Variants in EFCAB10 observed in about 807,000 individuals in gnomAD.
EFCAB10 encodes EF-hand calcium-binding domain-containing protein 10.
Under a neutral mutation model 7.7 loss-of-function variants are expected in EFCAB10, and 7 were observed. The ratio of observed to expected loss-of-function variants is 0.91; its 90% CI spans 0.52 to 1.72. The LOEUF (loss-of-function observed/expected upper bound fraction) is 1.72. EFCAB10 is among the 40% of genes most tolerant of loss of function. EFCAB10 has a pLI of 0.00. For missense variants in EFCAB10, 112 were observed against 61.5 expected (o/e 1.82, Z -2.74); for synonymous variants, 52 against 21.0 (o/e 2.47, Z -4.03).
intron 1 of EFCAB10, among the ~76,000 whole-genome samples, chr7:105,576,786 A>T (rs1792092096): frequency 6.6e-6 from 1 of 152,142 alleles, no homozygotes; most frequent in Admixed American, 6.5e-5. Flanking sequence ...AGGTGCAGTG[A>T]CTTACACCTG....
intron 1 of EFCAB10, among the ~76,000 whole-genome samples, chr7:105,579,597 T>C (rs1298284057): frequency 6.6e-6 from 1 of 152,172 alleles, no homozygotes; most frequent in Non-Finnish European, 1.5e-5. Context: ...GATATCAAAA[T>C]TGTGATCTAA....
At chr7:105,574,171 C>A (rs1792013591) in intron 1 of EFCAB10, among the ~76,000 whole-genome samples, 1 of 103,124 alleles carries the variant, frequency 9.7e-6, no homozygotes. Context: ...TACACACACA[C>A]CCATATGTAT....
At chr7:105,568,359 A>G (rs187412809) in intron 3 of EFCAB10, among the ~76,000 whole-genome samples, 1 of 152,286 alleles carries the variant, frequency 6.6e-6, no homozygotes, top group Admixed American at 6.5e-5. Flanking sequence ...ACTTTCCACA[A>G]CTATTAAATT....
At position 105,574,185 on chromosome 7, in the gene EFCAB10, T is replaced by TAC. The variant is rs1443094634; in HGVS notation, c.107-4616_107-4615dup. 3.1e-3 allele frequency among the ~76,000 whole-genome samples: 31 copies of TAC among 10,084 alleles called. 1 individual carries two copies. The Middle Eastern group carries it at 0.21, about 70-fold the overall frequency. The allele number at this position is 10,084 out of a possible 152,430, so 6.6% of individuals were successfully genotyped here. ...ATACACACACACCCATATGTATATA[T>TAC]ACACACACACGTATATATATAGACA... On this transcript the variant is annotated intron_variant, in intron 1 of 4. Transcript: ENST00000480514.
rs1791872394 is a variant in EFCAB10 at position 105,569,183 on chromosome 7, T to C, written c.359+20A>G. On this transcript the variant is annotated intron_variant, in intron 3 of 4. Coordinates refer to ENST00000480514, the MANE Select transcript of EFCAB10 (RefSeq NM_001355526.2). The stretch of plus-strand genomic sequence containing the variant: ...TCATGCCACCTTATTAAAATATTTG[T>C]CACTTAAAAATAAACTTACACTTCC... 1.4e-6 allele frequency: 1 copy of C among 699,436 alleles called. No individual in the cohort carries two copies. Among genetic ancestry groups the C allele is most frequent in the South Asian group, 1.5e-5 (1 of 66,730 alleles). 43.3% of individuals were successfully genotyped at this position (699,436 alleles called of 1,614,324 possible).
intron 1 of EFCAB10, among the ~76,000 whole-genome samples, chr7:105,578,152 G>A (rs914676649): frequency 6.6e-6 from 1 of 152,124 alleles, no homozygotes; most frequent in Admixed American, 6.5e-5. Flanking sequence ...GACAGTCCTA[G>A]TTTACCATGT....
intron 1 of EFCAB10, among the ~76,000 whole-genome samples, chr7:105,574,934 T>TAAA (rs1209254689): frequency 2.9e-5 from 3 of 103,566 alleles, no homozygotes; most frequent in African/African-American, 6.7e-5. Flanking sequence ...TATCCCTACT[T>TAAA]AAAAAAAAAA....
rs927087606 is a variant in EFCAB10, at chr7:105,581,428, C to T, written c.36G>A (p.Glu12=). The change falls in exon 1 of 5, where the codon GAG becomes GAA. Residue 12 remains glutamate (E), a synonymous_variant. Coordinates refer to ENST00000480514, the MANE Select transcript of EFCAB10 (RefSeq NM_001355526.2). ...ETSSRELQAA[E]YLEKHQIKEV... is the part of the protein sequence containing the mutation. The stretch of plus-strand genomic sequence containing the variant: ...CCTTGATCTGATGCTTTTCCAAATA[C>T]TCCGCGGCTTGGAGCTCCCTGCTGC... The T allele has an allele frequency of 7.1e-6, 5 of 703,028 alleles. No individual in the cohort carries two copies. The highest frequency in any genetic ancestry group is 4.0e-5 in the Admixed American group (2 of 50,004). The allele number at this position is 703,028 out of a possible 1,614,324, so 43.5% of individuals were successfully genotyped here. A position where few individuals can be genotyped will look rare whatever the true frequency, so the allele number is the denominator to read the frequency against.
At chr7:105,579,321 C>A (rs1219231337) in intron 1 of EFCAB10, among the ~76,000 whole-genome samples, 1 of 152,040 alleles carries the variant, frequency 6.6e-6, no homozygotes, top group Non-Finnish European at 1.5e-5. Flanking sequence ...AGCTATCAGT[C>A]CAGACTGGAG....
chr7:105,567,574 G>A lies in EFCAB10; in HGVS notation c.360-84C>T, dbSNP rs201674769. 5.9e-6 allele frequency: 3 copies of A among 510,664 alleles called. No homozygotes were observed. The East Asian group carries it at 8.9e-5, about 15-fold the overall frequency. The allele number at this position is 510,664 out of a possible 1,614,324, so 31.6% of individuals were successfully genotyped here. A position where few individuals can be genotyped will look rare whatever the true frequency, so the allele number is the denominator to read the frequency against. ...AATGCTGAGTATGTCTGTTGAAGAC[G>A]AGCAGAGATATTAAATTATAACCAA... is the stretch of plus-strand genomic sequence containing the variant. On this transcript the variant is annotated intron_variant, in intron 3 of 4. Transcript: ENST00000480514.
intron 1 of EFCAB10, chr7:105,573,169 C>T (rs1791992350): frequency 6.6e-6 from 1 of 151,796 alleles, no homozygotes. Flanking sequence ...CTTTTTCATC[C>T]CTGGGAATTT....
chr7:105,574,016 C>T (rs1457705804), intron 1 of EFCAB10, among the ~76,000 whole-genome samples: 1 of 151,880 alleles, frequency 6.6e-6, no homozygotes, highest in African/African-American at 2.4e-5. Context: ...TTAAAGCCAT[C>T]CCCTAAAAAT....
intron 4 of EFCAB10, among the ~76,000 whole-genome samples, chr7:105,566,130 T>A (rs933614611): frequency 3.4e-5 from 5 of 147,146 alleles, no homozygotes; most frequent in Admixed American, 3.4e-4. Flanking sequence ...AAAAAAAAAT[T>A]AGCCAGGCCT....
At chr7:105,576,233 GGTCCCAGACACTGAATGGACAA>G (rs1451441799) in intron 1 of EFCAB10, among the ~76,000 whole-genome samples, 1 of 152,144 alleles carries the variant, frequency 6.6e-6, no homozygotes, top group Non-Finnish European at 1.5e-5. Flanking sequence ...ATCAGGCTAA[GGTCCCAGACACTGAATGGACAA>G]GTCCTTTCTC....
intron 1 of EFCAB10, among the ~76,000 whole-genome samples, chr7:105,575,481 G>T (rs1008238195): frequency 2.0e-5 from 3 of 151,952 alleles, no homozygotes; most frequent in Admixed American, 1.3e-4. Flanking sequence ...GCTAATTTTT[G>T]TAACAACCAG....
At chr7:105,568,206 AT>A (rs1791841513) in intron 3 of EFCAB10, among the ~76,000 whole-genome samples, 2 of 152,136 alleles carry the variant, frequency 1.3e-5, no homozygotes, top group Non-Finnish European at 2.9e-5. Flanking sequence ...TTTATTATTT[AT>A]GTAACTTATG....
intron 3 of EFCAB10, among the ~76,000 whole-genome samples, chr7:105,567,852 A>G (rs1586280376): frequency 6.6e-6 from 1 of 151,948 alleles, no homozygotes; most frequent in East Asian, 1.9e-4. Flanking sequence ...CCAACATGTC[A>G]AGACCCTGAT....
chr7:105,579,554 T>A (rs1357596312), intron 1 of EFCAB10, among the ~76,000 whole-genome samples: 1 of 152,186 alleles, frequency 6.6e-6, no homozygotes, highest in African/African-American at 2.4e-5. Flanking sequence ...TATAGATACT[T>A]GCCTAACAAT....
chr7:105,579,583 T>C (rs1405514782), intron 1 of EFCAB10, among the ~76,000 whole-genome samples: 9 of 152,198 alleles, frequency 5.9e-5, no homozygotes. Context: ...TTCTGAATAC[T>C]GAGGATATCA....
Sources: gnomAD v4.1 joint callset for allele counts (sites outside exome capture counted in the v4.1 genomes callset) on GRCh38, gnomAD v4.1.1 for gene constraint, MANE v1.5 for transcripts, NCBI Gene and HGNC (gene_info 2026-07-23, HGNC 2026-07-21) for gene names.